The following HMGXB4 variants were observed in gnomAD, a reference collection of about 807,000 sequenced individuals.
The protein encoded by HMGXB4 is HMG-box containing 4, also known as HMG domain-containing protein 4.
A neutral mutation model predicts 63.9 loss-of-function variants in HMGXB4; 27 were observed. The observed-to-expected ratio is 0.42, with a 90% confidence interval of 0.31 to 0.58. The LOEUF (loss-of-function observed/expected upper bound fraction) is 0.58, where lower values mean the gene tolerates loss of function less well. Among genes scored for constraint, HMGXB4 ranks in the 20% least tolerant of loss-of-function variants. The pLI is 0.13. For missense variants in HMGXB4, 624 were observed against 700.7 expected (o/e 0.89, Z 1.24); for synonymous variants, 264 against 265.3 (o/e 0.99, Z 0.05).
chr22:35,287,015 C>A (rs910479680), intron 7 of HMGXB4: 1 of 212,950 alleles, frequency 4.7e-6, no homozygotes, highest in Admixed American at 5.2e-5. Flanking sequence ...GTTGGTATTG[C>A]CAACTAGCAG....
At chr22:35,290,489 C>CA (rs1239901155) in intron 9 of HMGXB4, among the ~76,000 whole-genome samples, 1 of 151,922 alleles carries the variant, frequency 6.6e-6, no homozygotes, top group Non-Finnish European at 1.5e-5. Context: ...ACTAAAAATA[C>CA]AAAAAATTAG....
intron 1 of HMGXB4, among the ~76,000 whole-genome samples, chr22:35,260,983 C>T (rs1922807115): frequency 6.6e-6 from 1 of 151,984 alleles, no homozygotes; most frequent in Admixed American, 6.6e-5. Context: ...TCTAAATACC[C>T]TTATAATAAT....
intron 5 of HMGXB4, among the ~76,000 whole-genome samples, chr22:35,280,319 T>C (rs981716419): frequency 6.6e-6 from 1 of 152,242 alleles, no homozygotes; most frequent in Admixed American, 6.5e-5. Flanking sequence ...TAAATGGTAT[T>C]ATCCAAGTTT....
In HMGXB4 at chr22:35,293,090, G is replaced by A. The variant is rs1340989715; in HGVS notation, c.1737G>A (p.Leu579=). ...GTCTCACCACACAACTACCTGAATT[G>A]AATGGCTGTCCCAAACAGGTCTTGG... ...LACLTTQLPE[L]NGCPKQVLSN... is the part of the protein sequence containing the mutation. The change falls in exon 10 of 11, where the codon TTG becomes TTA. Residue 579 remains leucine, a synonymous_variant. Coordinates refer to ENST00000216106, the MANE Select transcript of HMGXB4 (RefSeq NM_001003681.3). 6.2e-7 allele frequency: 1 copy of A among 1,614,188 alleles called. No homozygotes were observed. Among genetic ancestry groups the A allele is most frequent in the Non-Finnish European group, 8.5e-7 (1 of 1,180,044 alleles).
intron 5 of HMGXB4, among the ~76,000 whole-genome samples, chr22:35,281,881 T>C (rs966430161): frequency 1.3e-5 from 2 of 152,248 alleles, no homozygotes; most frequent in Non-Finnish European, 2.9e-5. Flanking sequence ...TCTAGGAATG[T>C]TTCTATTCAT....
At chr22:35,262,502 C>G (rs1922926039) in intron 2 of HMGXB4, 81 bp downstream of exon 2, 1 of 1,344,538 alleles carries the variant, frequency 7.4e-7, no homozygotes, top group East Asian at 2.3e-5. Context: ...GAGACCAGGA[C>G]TGGGCACCAC....
intron 5 of HMGXB4, among the ~76,000 whole-genome samples, chr22:35,280,869 C>T (rs987647456): frequency 3.3e-5 from 5 of 152,180 alleles, no homozygotes; most frequent in African/African-American, 9.7e-5. Context: ...ATGTCACTTC[C>T]TCCAGAAGGC....
At chr22:35,266,082 C>T (rs1601627640) in intron 5 of HMGXB4, among the ~76,000 whole-genome samples, 1 of 152,064 alleles carries the variant, frequency 6.6e-6, no homozygotes, top group Non-Finnish European at 1.5e-5. Context: ...AGCCACCATG[C>T]CCGGCCTAGG....
chr22:35,288,334 T>C lies in HMGXB4; in HGVS notation c.1565T>C (p.Ile522Thr), dbSNP rs1924719669. The change falls in exon 9 of 11, where the codon ATT (isoleucine) becomes ACT (threonine). Residue 522 changes from isoleucine (I) to threonine (T), a missense_variant. By Grantham distance (89) the Ile-to-Thr change is moderately conservative. Coordinates refer to ENST00000216106, the MANE Select transcript of HMGXB4 (RefSeq NM_001003681.3). ...GCCAAAGCCCCTGAGACAGAGCCCA[T>C]TGATGTTGCTGCTCATCTTCAGCTG... ...SPAKAPETEPIDVAAHLQLLG... is the reference protein window; with the variant it reads ...SPAKAPETEPTDVAAHLQLLG... 5 of 1,612,884 alleles carry C rather than the reference T, an allele frequency of 3.1e-6. No homozygotes were observed. The East Asian group carries it at 1.1e-4, about 36-fold the overall frequency.
At chr22:35,269,464 G>C (rs1039587078) in intron 5 of HMGXB4, among the ~76,000 whole-genome samples, 1 of 152,208 alleles carries the variant, frequency 6.6e-6, no homozygotes, top group Non-Finnish European at 1.5e-5. Flanking sequence ...CAGAATGTAA[G>C]CTCCTTTACC....
intron 5 of HMGXB4, 89 bp from the exon 6 acceptor site, chr22:35,283,873 A>C: frequency 2.3e-6 from 2 of 876,182 alleles, no homozygotes; most frequent in Non-Finnish European, 3.8e-6. Flanking sequence ...AAGTTTAGGT[A>C]TCCTTCTATT....
intron 5 of HMGXB4, among the ~76,000 whole-genome samples, chr22:35,268,820 C>T (rs906546698): frequency 6.6e-6 from 1 of 152,130 alleles, no homozygotes; most frequent in African/African-American, 2.4e-5. Context: ...ACTTGTTTCC[C>T]ATACATTCTT....
the HMGXB4 span, among the ~76,000 whole-genome samples, chr22:35,251,078 GT>G: frequency 0.043 from 6,193 of 144,934 alleles, 141 homozygotes; most frequent in East Asian, 0.08. Flanking sequence ...CTTTCTTTCT[GT>G]TTTTTTTTTT....
chr22:35,291,906 G>C lies in HMGXB4; in HGVS notation c.1639-1086G>C, dbSNP rs138321511. ...GTACTGCTGCCCTCAGAAAGTATAG[G>C]GGGGAGATGTTGACAAGGAGGATGA... is the stretch of plus-strand genomic sequence containing the variant. On this transcript the variant is annotated intron_variant, in intron 9 of 10. Transcript: ENST00000216106. 6.6e-5 allele frequency among the ~76,000 whole-genome samples: 10 copies of C among 152,288 alleles called. No individual in the cohort carries two copies. The East Asian group carries it at 1.4e-3, about 21-fold the overall frequency.
intron 7 of HMGXB4, 131 bp downstream of exon 7, chr22:35,286,192 T>G: frequency 3.0e-6 from 2 of 667,790 alleles, no homozygotes. Flanking sequence ...AGAAAATGGT[T>G]TAGCAGAGGA....
In HMGXB4 at chr22:35,286,164, A is replaced by G. The variant is rs181348647; in HGVS notation, c.1362+103A>G. 259 of 779,056 alleles carry G rather than the reference A, an allele frequency of 3.3e-4. 1 individual carries two copies. The African/African-American group carries it at 4.3e-3, about 13-fold the overall frequency. The allele number at this position is 779,056 out of a possible 1,614,324, so 48.3% of individuals were successfully genotyped here. On this transcript the variant is annotated intron_variant, in intron 7 of 10. Transcript: ENST00000216106. ...AGCCAGACAGCACTGAAAATAGTGA[A>G]GAAAATTACAAATCAACAGAAAATG...
intron 9 of HMGXB4, among the ~76,000 whole-genome samples, chr22:35,290,281 G>A (rs924535570): frequency 7.2e-5 from 11 of 152,142 alleles, no homozygotes; most frequent in African/African-American, 2.4e-4. Flanking sequence ...AGAATTTAGT[G>A]ATTTTTAATA....
In HMGXB4 at chr22:35,268,306, C is replaced by G. The variant is rs566862874; in HGVS notation, c.1215+2703C>G. Among the ~76,000 whole-genome samples the G allele has an allele frequency of 2.0e-5, 3 of 152,268 alleles. No homozygotes were observed. The East Asian group carries it at 5.8e-4, about 29-fold the overall frequency. On this transcript the variant is annotated intron_variant, in intron 5 of 10. Coordinates refer to ENST00000216106, the MANE Select transcript of HMGXB4 (RefSeq NM_001003681.3). ...TCTTATCGTTCACTTTTACATTTCCCCCTTCCCTACTCCCCTCCAACTATT... is the reference window on the plus strand; with the variant it reads ...TCTTATCGTTCACTTTTACATTTCCGCCTTCCCTACTCCCCTCCAACTATT...
At position 35,265,177 on chromosome 22, in the gene HMGXB4, C is replaced by T; in HGVS notation, c.789C>T (p.Gly263=). The change falls in exon 5 of 11, where the codon GGC becomes GGT. Residue 263 remains glycine (G), a synonymous_variant. Transcript: ENST00000216106. The part of the protein sequence containing the change: ...KSSSDAHSSP[G]PEGCGSDASQ... ...CCTCAGACGCACATTCATCTCCTGGCCCTGAAGGCTGTGGGTCTGACGCCT... is the reference window on the plus strand; with the variant it reads ...CCTCAGACGCACATTCATCTCCTGGTCCTGAAGGCTGTGGGTCTGACGCCT... 2 of 1,614,110 alleles carry T rather than the reference C, an allele frequency of 1.2e-6. No homozygotes were observed. Among genetic ancestry groups the T allele is most frequent in the South Asian group, 2.2e-5 (2 of 91,062 alleles).
Sources: gnomAD v4.1 joint callset for allele counts (sites outside exome capture counted in the v4.1 genomes callset) on GRCh38, gnomAD v4.1.1 for gene constraint, MANE v1.5 for transcripts, NCBI Gene and HGNC (gene_info 2026-07-23, HGNC 2026-07-21) for gene names.